TUT7: variants seen among roughly 807,000 people sequenced by gnomAD.
TUT7 encodes terminal uridylyl transferase 7, also known as terminal uridylyltransferase 7.
In TUT7, 33 loss-of-function variants were observed where a neutral mutation model predicts 165.9. That is an observed-to-expected ratio of 0.20 (90% CI 0.15 to 0.27). The LOEUF (loss-of-function observed/expected upper bound fraction) is 0.27. Among genes scored for constraint, TUT7 ranks in the 10% least tolerant of loss-of-function variants. TUT7 has a pLI of 1.00. For missense variants in TUT7, 1,338 were observed against 1,762.3 expected (o/e 0.76, Z 4.31); for synonymous variants, 552 against 608.1 (o/e 0.91, Z 1.36).
At chr9:86,342,650 T>G (rs975058648) in intron 6 of TUT7, among the ~76,000 whole-genome samples, 1 of 152,158 alleles carries the variant, frequency 6.6e-6, no homozygotes, top group African/African-American at 2.4e-5. Context: ...TAGGTGTGAT[T>G]CTTTAAAAGC....
rs777356116 is a variant in TUT7, at chr9:86,325,509, T to A, written c.1614A>T (p.Ser538=). 1.9e-6 allele frequency: 3 copies of A among 1,612,938 alleles called. No individual in the cohort carries two copies. Among genetic ancestry groups the A allele is most frequent in the Non-Finnish European group, 2.5e-6 (3 of 1,179,398 alleles). Residue 538 remains serine, a synonymous_variant, in exon 12 of 27, where the codon TCA becomes TCT. Transcript: ENST00000375963. ...RETPIKRGQV[S]LILDVKHQPS... is the part of the protein sequence containing the mutation. ...GCTGGTGTTTCACATCCAATATTAA[T>A]GACACCTATTAATAGCAAAGAGAAA...
chr9:86,312,103 C>T (rs1442798016), intron 17 of TUT7, among the ~76,000 whole-genome samples: 1 of 151,704 alleles, frequency 6.6e-6, no homozygotes, highest in East Asian at 2.0e-4. Flanking sequence ...GTGAGGAGCC[C>T]CTCTGCCTGG....
chr9:86,322,510 C>T (rs1269428445), intron 13 of TUT7, 35 bp from the exon 14 acceptor site: 2 of 1,580,382 alleles, frequency 1.3e-6, no homozygotes, highest in African/African-American at 2.7e-5. Flanking sequence ...CAAGACTTAA[C>T]ACTTTATTTG....
At chr9:86,322,682 G>C (rs977897745) in intron 13 of TUT7, among the ~76,000 whole-genome samples, 191 bp downstream of exon 13, 1 of 152,152 alleles carries the variant, frequency 6.6e-6, no homozygotes, top group African/African-American at 2.4e-5. Flanking sequence ...ACTACTAATA[G>C]CATTCCCTTC....
chr9:86,312,462 G>A (rs983722046), intron 17 of TUT7, among the ~76,000 whole-genome samples: 10 of 151,722 alleles, frequency 6.6e-5, no homozygotes, highest in East Asian at 3.9e-4. Flanking sequence ...GTCTCCACCC[G>A]GCAGCCACCC....
At position 86,340,044 on chromosome 9, in the gene TUT7, T is replaced by A. The variant is rs765344339; in HGVS notation, c.1200A>T (p.Glu400Asp). The stretch of plus-strand genomic sequence containing the variant: ...GTTTAAAGAAATGAGACCTTTGCTT[T>A]TCTCTGCACACCACCACTGGCACCC... Reference protein sequence around the residue: ...HARVPVVVCREKQSGLLCKVS... With the variant: ...HARVPVVVCRDKQSGLLCKVS... The change falls in exon 8 of 27, where the codon GAA becomes GAT. Residue 400 changes from glutamate (E) to aspartate (D), a missense_variant. Coordinates refer to ENST00000375963, the MANE Select transcript of TUT7 (RefSeq NM_024617.4). 6.2e-7 allele frequency: 1 copy of A among 1,613,800 alleles called. No individual in the cohort carries two copies. Among genetic ancestry groups the A allele is most frequent in the South Asian group, 1.1e-5 (1 of 91,080 alleles).
Position 86,319,065 on chromosome 9 carries a change from G to A in TUT7, c.3116-7C>T. The A allele has an allele frequency of 6.2e-7, 1 of 1,601,420 alleles. No homozygotes were observed. Among genetic ancestry groups the A allele is most frequent in the Non-Finnish European group, 8.5e-7 (1 of 1,171,792 alleles). ...AACAGGCTCAATTTAGTTCCTGTTA[G>A]GGATATATGAAAAGTAATAACTAAT... On this transcript the variant is annotated splice_polypyrimidine_tract_variant and splice_region_variant and intron_variant, in intron 15 of 26. Coordinates refer to ENST00000375963, the MANE Select transcript of TUT7 (RefSeq NM_024617.4).
At position 86,322,270 on chromosome 9, in the gene TUT7, C is replaced by A. The variant is rs1564063887; in HGVS notation, c.3028+55G>T. On this transcript the variant is annotated intron_variant, in intron 14 of 26. Transcript: ENST00000375963. ...AAATAGGATAGTGATTCTAAAGACT[C>A]GAGTAAATGTCAATTTAATATTTTG... is the stretch of plus-strand genomic sequence containing the variant. 8 of 1,531,486 alleles carry A rather than the reference C, an allele frequency of 5.2e-6. No individual in the cohort carries two copies. The Admixed American group carries it at 8.6e-5, about 17-fold the overall frequency. 94.9% of individuals were successfully genotyped at this position (1,531,486 alleles called of 1,614,324 possible).
chr9:86,325,589 C>T, intron 11 of TUT7, 75 bp from the exon 12 acceptor site: 1 of 1,403,290 alleles, frequency 7.1e-7, no homozygotes, highest in Non-Finnish European at 9.7e-7. Flanking sequence ...ATCATTTAAG[C>T]ATCAAATTAA....
At chr9:86,300,852 T>A (rs1826821398) in intron 26 of TUT7, among the ~76,000 whole-genome samples, 1 of 152,256 alleles carries the variant, frequency 6.6e-6, no homozygotes. Flanking sequence ...TCTATGCATG[T>A]GCCTGTGTGT....
chr9:86,318,884 C>T, intron 16 of TUT7, 74 bp downstream of exon 16: 2 of 1,214,140 alleles, frequency 1.6e-6, no homozygotes, highest in Non-Finnish European at 2.4e-6. Flanking sequence ...TGGAAAATAC[C>T]AAGCTGTAAT....
At chr9:86,308,647 G>A in intron 21 of TUT7, 41 bp from the exon 22 acceptor site, 1 of 1,507,354 alleles carries the variant, frequency 6.6e-7, no homozygotes, top group Non-Finnish European at 9.0e-7. Flanking sequence ...GGTCTTTAGT[G>A]AAGTGTTAAT....
At chr9:86,350,054 G>A (rs535104956) in intron 2 of TUT7, among the ~76,000 whole-genome samples, 3 of 152,206 alleles carry the variant, frequency 2.0e-5, no homozygotes, top group East Asian at 1.9e-4. Flanking sequence ...CTTTTCAGCC[G>A]GGTGCAGTGG....
chr9:86,301,769 A>T lies in TUT7; in HGVS notation c.4095-168T>A, dbSNP rs1250059999. 7.1e-6 allele frequency: 7 copies of T among 985,278 alleles called. No homozygotes were observed. The Admixed American group carries it at 4.3e-4, about 61-fold the overall frequency. 61.0% of individuals were successfully genotyped at this position (985,278 alleles called of 1,614,324 possible). ...ATGAAAATCCATCTTCTCTGTTAAG[A>T]TGCTCCCTCAGGGTTTAAGGGTGCA... On this transcript the variant is annotated intron_variant, in intron 25 of 26. Coordinates refer to ENST00000375963, the MANE Select transcript of TUT7 (RefSeq NM_024617.4).
At chr9:86,290,038 T>G (rs1489137547) in intron 26 of TUT7, among the ~76,000 whole-genome samples, 1 of 152,198 alleles carries the variant, frequency 6.6e-6, no homozygotes, top group Non-Finnish European at 1.5e-5. Context: ...CCACCAATCA[T>G]GTATTTGGTG....
At chr9:86,347,298 T>G (rs1056508983) in intron 2 of TUT7, among the ~76,000 whole-genome samples, 2 of 152,238 alleles carry the variant, frequency 1.3e-5, no homozygotes, top group African/African-American at 4.8e-5. Context: ...ATCCTGTTCC[T>G]TTTTAAAACT....
chr9:86,329,638 G>A (rs924197945), intron 10 of TUT7, among the ~76,000 whole-genome samples: 1 of 152,106 alleles, frequency 6.6e-6, no homozygotes, highest in Admixed American at 6.6e-5. Context: ...TACCAAATGG[G>A]CTACTTCATT....
At chr9:86,314,423 G>C (rs925427937) in intron 17 of TUT7, among the ~76,000 whole-genome samples, 2 of 151,924 alleles carry the variant, frequency 1.3e-5, no homozygotes, top group Non-Finnish European at 2.9e-5. Flanking sequence ...CTTCAATTCT[G>C]ACTGGCAACC....
chr9:86,322,126 TCTC>T (rs1466312137), intron 14 of TUT7, among the ~76,000 whole-genome samples, 196 bp downstream of exon 14: 5 of 152,212 alleles, frequency 3.3e-5, no homozygotes, highest in African/African-American at 7.2e-5. Context: ...TCCCTGCATC[TCTC>T]CTCATCCTTC....
Sources: gnomAD v4.1 joint callset for allele counts (sites outside exome capture counted in the v4.1 genomes callset) on GRCh38, gnomAD v4.1.1 for gene constraint, MANE v1.5 for transcripts, NCBI Gene and HGNC (gene_info 2026-07-23, HGNC 2026-07-21) for gene names.